The following LIPA variants were observed in gnomAD, a reference collection of about 807,000 sequenced individuals.
The protein encoded by LIPA is lipase A, lysosomal acid type, also known as lysosomal acid lipase/cholesteryl ester hydrolase.
Under a neutral mutation model 40.6 loss-of-function variants are expected in LIPA, and 26 were observed. That is an observed-to-expected ratio of 0.64 (90% CI 0.47 to 0.89). The LOEUF is 0.89. Among genes scored for constraint, LIPA ranks in the 40% least tolerant of loss-of-function variants. The probability of loss-of-function intolerance (pLI) is 0.00; values close to 1 mark genes in which losing one functional copy is unlikely to be tolerated. For synonymous variants in LIPA, 188 were observed against 168.4 expected (o/e 1.12, Z -0.90); for missense variants, 455 against 479.6 (o/e 0.95, Z 0.48).
At chr10:89,379,413 T>A (rs1844144873) in intron 2 of LIPA, among the ~76,000 whole-genome samples, 1 of 152,140 alleles carries the variant, frequency 6.6e-6, no homozygotes, top group East Asian at 1.9e-4. Context: ...TTATACTAGA[T>A]GTTAGAAAAT....
chr10:89,236,247 A>T (rs894394806), intron 3 of LIPA, among the ~76,000 whole-genome samples: 1 of 152,246 alleles, frequency 6.6e-6, no homozygotes, highest in African/African-American at 2.4e-5. Flanking sequence ...ACAAATGTAA[A>T]GATGTGGTAT....
chr10:89,410,132 C>T (rs1001906506), intron 2 of LIPA, among the ~76,000 whole-genome samples: 69 of 152,202 alleles, frequency 4.5e-4, no homozygotes, highest in Non-Finnish European at 2.2e-4. Flanking sequence ...GCTGGCCTCA[C>T]TGTTTAAGGG....
At chr10:89,313,029 T>C (rs1286616817) in intron 1 of LIPA, among the ~76,000 whole-genome samples, 3 of 152,174 alleles carry the variant, frequency 2.0e-5, no homozygotes, top group Non-Finnish European at 4.4e-5. Flanking sequence ...CTTTTGTGTG[T>C]AGTCCAGCAC....
chr10:89,369,837 T>C (rs966713568), intron 2 of LIPA, among the ~76,000 whole-genome samples: 5 of 152,240 alleles, frequency 3.3e-5, no homozygotes, highest in Non-Finnish European at 4.4e-5. Context: ...GAGAATGGCA[T>C]TCCTAGTCTC....
At chr10:89,345,268 C>A (rs1228620712), upstream of LIPA, among the ~76,000 whole-genome samples, 3 of 151,778 alleles carry the variant, frequency 2.0e-5, no homozygotes, top group African/African-American at 7.3e-5. Flanking sequence ...GTGCCTCATG[C>A]CTGTAATCCC....
chr10:89,225,311 G>GC, intron 5 of LIPA, 83 bp from the exon 6 acceptor site: 1 of 1,212,740 alleles, frequency 8.2e-7, no homozygotes, highest in Non-Finnish European at 1.1e-6. Flanking sequence ...CACTCGCGAC[G>GC]CCCTCTCGCG....
In LIPA at chr10:89,305,811, A is replaced by G; in HGVS notation, c.-2+36800T>C. 3 of 631,248 alleles carry G rather than the reference A, an allele frequency of 4.8e-6. No individual in the cohort carries two copies. In the South Asian group the frequency reaches 6.1e-5, roughly 13 times the overall value. 39.1% of individuals were successfully genotyped at this position (631,248 alleles called of 1,614,324 possible). A position where few individuals can be genotyped will look rare whatever the true frequency, so the allele number is the denominator to read the frequency against. On this transcript the variant is annotated intron_variant, in intron 1 of 5. Transcript: ENST00000282673. ...GCTACCACATGCAGGAATTAACAAT[A>G]AGGAAAAACATATTATAGAAAGAAA...
chr10:89,371,861 A>G (rs968335856), intron 2 of LIPA, among the ~76,000 whole-genome samples: 22 of 152,212 alleles, frequency 1.4e-4, no homozygotes, highest in Non-Finnish European at 3.2e-4. Context: ...TTTTGGTTGC[A>G]TGAATACTAT....
chr10:89,394,577 A>AATATAT lies in LIPA; in HGVS notation c.61+18208_61+18213dup, dbSNP rs200060906. Among the ~76,000 whole-genome samples the AATATAT allele has an allele frequency of 3.6e-3, 391 of 108,436 alleles. 3 individuals are homozygous for AATATAT. Among genetic ancestry groups the AATATAT allele is most frequent in the Non-Finnish European group, 5.7e-3 (315 of 55,440 alleles). 71.1% of individuals were successfully genotyped at this position (108,436 alleles called of 152,430 possible). On this transcript the variant is annotated intron_variant, in intron 2 of 8. Transcript: ENST00000371837. The stretch of plus-strand genomic sequence containing the variant: ...TTTATGTCAATATGTACTACAGGAA[A>AATATAT]ATATATATATATATATATATATATA...
intron 2 of LIPA, among the ~76,000 whole-genome samples, chr10:89,380,261 A>G (rs1312374987): frequency 1.3e-5 from 2 of 152,138 alleles, no homozygotes; most frequent in Admixed American, 6.5e-5. Context: ...CCACTGGTTC[A>G]GGGACAGAGG....
chr10:89,306,729 G>A (rs1481347903), intron 1 of LIPA: 10 of 1,613,978 alleles, frequency 6.2e-6, no homozygotes, highest in Admixed American at 5.0e-5. Context: ...AAGTTTTATC[G>A]AAGAAAAGAT....
chr10:89,371,039 A>G (rs1844088788), intron 2 of LIPA, among the ~76,000 whole-genome samples: 1 of 152,140 alleles, frequency 6.6e-6, no homozygotes, highest in Admixed American at 6.6e-5. Flanking sequence ...CAAACAAACA[A>G]AAAATTTTCT....
At chr10:89,380,634 T>C (rs1347818589) in intron 2 of LIPA, among the ~76,000 whole-genome samples, 2 of 152,100 alleles carry the variant, frequency 1.3e-5, no homozygotes, top group African/African-American at 4.8e-5. Flanking sequence ...GGTTTCGCTA[T>C]GTTGCCCATG....
At chr10:89,365,991 G>A (rs868524549) in intron 2 of LIPA, among the ~76,000 whole-genome samples, 2,683 of 152,294 alleles carry the variant, frequency 0.018, 38 homozygotes, top group African/African-American at 0.043. Context: ...TGTGAAGAAA[G>A]TCATTGGTAG....
At chr10:89,363,001 A>C (rs1388409241) in intron 2 of LIPA, 3 of 254,312 alleles carry the variant, frequency 1.2e-5, no homozygotes, top group Non-Finnish European at 2.4e-5. Context: ...GAAGGACAGG[A>C]AGCTGAAGGA....
intron 1 of LIPA, chr10:89,306,848 G>C (rs1170231819): frequency 1.2e-6 from 2 of 1,613,962 alleles, no homozygotes; most frequent in African/African-American, 2.7e-5. Flanking sequence ...AGTCTTCCAA[G>C]TAATGAATCT....
At chr10:89,307,476 A>T in intron 1 of LIPA, 1 of 957,800 alleles carries the variant, frequency 1.0e-6, no homozygotes, top group South Asian at 1.6e-5. Context: ...ATGGCAAAAG[A>T]TTGGACTAAG....
chr10:89,237,702 C>T (rs1202103197), intron 3 of LIPA, among the ~76,000 whole-genome samples: 1 of 152,144 alleles, frequency 6.6e-6, no homozygotes, highest in African/African-American at 2.4e-5. Context: ...AACTATTTTT[C>T]CAGATTGGTT....
chr10:89,279,230 C>T (rs1843304162), intron 1 of LIPA, among the ~76,000 whole-genome samples: 1 of 152,194 alleles, frequency 6.6e-6, no homozygotes, highest in Non-Finnish European at 1.5e-5. Flanking sequence ...TGAACCCTGG[C>T]CTTTCACCAC....
Sources: gnomAD v4.1 joint callset for allele counts (sites outside exome capture counted in the v4.1 genomes callset) on GRCh38, gnomAD v4.1.1 for gene constraint, MANE v1.5 for transcripts, NCBI Gene and HGNC (gene_info 2026-07-23, HGNC 2026-07-21) for gene names.